The following CAPN5 variants were observed in gnomAD, a reference collection of about 807,000 sequenced individuals.
The protein encoded by CAPN5 is calpain-5.
Under a neutral mutation model 73.0 loss-of-function variants are expected in CAPN5, and 54 were observed. The ratio of observed to expected loss-of-function variants is 0.74; its 90% CI spans 0.59 to 0.93. The LOEUF (loss-of-function observed/expected upper bound fraction) is 0.93. CAPN5 is among the 40% of genes least tolerant of loss of function. The pLI, the probability that CAPN5 is intolerant of heterozygous loss-of-function variation, is 0.00. For synonymous variants in CAPN5, 335 were observed against 356.9 expected (o/e 0.94, Z 0.69); for missense variants, 785 against 882.9 (o/e 0.89, Z 1.41).
intron 1 of CAPN5, among the ~76,000 whole-genome samples, chr11:77,082,367 A>G (rs1411079732): frequency 6.6e-6 from 1 of 152,190 alleles, no homozygotes; most frequent in Non-Finnish European, 1.5e-5. Flanking sequence ...AGGAAGTGCT[A>G]CGGGCCTAAG....
chr11:77,093,368 A>C (rs1219183508), intron 2 of CAPN5, among the ~76,000 whole-genome samples: 2 of 152,206 alleles, frequency 1.3e-5, no homozygotes, highest in African/African-American at 4.8e-5. Context: ...AGCGGGTAGG[A>C]GGAAGGCAGT....
chr11:77,084,132 C>G (rs1950056929), intron 1 of CAPN5, among the ~76,000 whole-genome samples: 1 of 152,208 alleles, frequency 6.6e-6, no homozygotes, highest in Admixed American at 6.5e-5. Flanking sequence ...TGTTCCTTGC[C>G]CTGCCCTGCC....
At chr11:77,106,965 A>G (rs1950355916) in intron 3 of CAPN5, among the ~76,000 whole-genome samples, 1 of 152,174 alleles carries the variant, frequency 6.6e-6, no homozygotes, top group Non-Finnish European at 1.5e-5. Flanking sequence ...TAGCCTTCAC[A>G]TGATTGCTGG....
intron 3 of CAPN5, among the ~76,000 whole-genome samples, chr11:77,102,411 G>A (rs1366680076): frequency 1.3e-5 from 2 of 152,200 alleles, no homozygotes; most frequent in Non-Finnish European, 2.9e-5. Context: ...GCTCCTGCGG[G>A]TCTTGCATCT....
At position 77,084,830 on chromosome 11, in the gene CAPN5, G is replaced by A. The variant is rs530019712; in HGVS notation, c.-35-22G>A. 7 of 1,608,480 alleles carry A rather than the reference G, an allele frequency of 4.4e-6. No homozygotes were observed. The Admixed American group carries it at 5.0e-5, about 12-fold the overall frequency. ...GGACCCAGGGACTCTGTGAGTGACC[G>A]TCTTCTTGCCTTCCTGTCCAGGTGT... On this transcript the variant is annotated intron_variant, in intron 1 of 12. Coordinates refer to ENST00000648180, the MANE Select transcript of CAPN5 (RefSeq NM_004055.5).
chr11:77,096,359 A>T (rs57331406), intron 3 of CAPN5, among the ~76,000 whole-genome samples: 1 of 152,156 alleles, frequency 6.6e-6, no homozygotes, highest in Admixed American at 6.5e-5. Flanking sequence ...TTTCGTCCTC[A>T]GTGTAAATTG....
At chr11:77,119,746 A>T (rs139844264) in intron 9 of CAPN5, 1 of 155,584 alleles carries the variant, frequency 6.4e-6, no homozygotes, top group African/African-American at 2.4e-5. Context: ...GGCTGGGTAC[A>T]TGCTGAGTCC....
At chr11:77,082,063 G>T (rs1950033638) in intron 1 of CAPN5, among the ~76,000 whole-genome samples, 2 of 152,144 alleles carry the variant, frequency 1.3e-5, no homozygotes, top group Non-Finnish European at 2.9e-5. Context: ...CACAGGGTAG[G>T]CTGGGGAGGC....
chr11:77,077,260 G>T (rs932833657), intron 1 of CAPN5, among the ~76,000 whole-genome samples: 1 of 152,128 alleles, frequency 6.6e-6, no homozygotes, highest in Admixed American at 6.5e-5. Context: ...GGGATGCTGA[G>T]GCAGGAGAAT....
intron 1 of CAPN5, among the ~76,000 whole-genome samples, chr11:77,079,432 A>G (rs1198873906): frequency 6.6e-6 from 1 of 152,180 alleles, no homozygotes; most frequent in East Asian, 1.9e-4. Context: ...ATATGCTTGT[A>G]AGATCCATCC....
At chr11:77,103,699 T>C (rs1404016033) in intron 3 of CAPN5, among the ~76,000 whole-genome samples, 1 of 151,910 alleles carries the variant, frequency 6.6e-6, no homozygotes, top group Non-Finnish European at 1.5e-5. Flanking sequence ...GAGACAGAGA[T>C]TGAAAAACCC....
At chr11:77,067,132 G>GTGTA (rs1328723702) in intron 1 of CAPN5, 38 bp downstream of exon 1, 2 of 152,230 alleles carry the variant, frequency 1.3e-5, no homozygotes, top group Non-Finnish European at 2.9e-5. Flanking sequence ...GCTTCTGTGT[G>GTGTA]TGTGTGTGTG....
In CAPN5 at chr11:77,112,574, C is replaced by G. The variant is rs372129605; in HGVS notation, c.298-15C>G. 71 of 1,609,304 alleles carry G rather than the reference C, an allele frequency of 4.4e-5. No homozygotes were observed. In the African/African-American group the frequency reaches 8.6e-4, roughly 19 times the overall value. On this transcript the variant is annotated splice_polypyrimidine_tract_variant and intron_variant, in intron 3 of 12. Transcript: ENST00000648180. ...CACTGTGTTCCCCCATCCTATCCCC[C>G]CTCCCCCTACCCAGGTCATCCCAGA...
In CAPN5 at chr11:77,085,057, T is replaced by C; in HGVS notation, c.165+6T>C. On this transcript the variant is annotated splice_donor_region_variant and intron_variant, in intron 2 of 12. Coordinates refer to ENST00000648180, the MANE Select transcript of CAPN5 (RefSeq NM_004055.5). ...TCAGGTGGAAGCGACCCAAGGTCAGTGTCTGGTCCCAGCTGGAGCTGGGTG... is the reference window on the plus strand; with the variant it reads ...TCAGGTGGAAGCGACCCAAGGTCAGCGTCTGGTCCCAGCTGGAGCTGGGTG... The C allele has an allele frequency of 6.2e-7, 1 of 1,612,458 alleles. No individual in the cohort carries two copies. Among genetic ancestry groups the C allele is most frequent in the Non-Finnish European group, 8.5e-7 (1 of 1,179,856 alleles).
In CAPN5 at chr11:77,124,047, G is replaced by A. The variant is rs541122070; in HGVS notation, c.*177G>A. On this transcript the variant is annotated 3_prime_UTR_variant, in exon 13 of 13. Coordinates refer to ENST00000648180, the MANE Select transcript of CAPN5 (RefSeq NM_004055.5). ...TCAGCCTCAGTGTCCCGAGGGCCCC[G>A]AAGCATTCCATTCTCGTGGAGGAGT... 319 of 618,996 alleles carry A rather than the reference G, an allele frequency of 5.2e-4. No individual in the cohort carries two copies. Among genetic ancestry groups the A allele is most frequent in the African/African-American group, 4.9e-3 (264 of 54,316 alleles). 38.3% of individuals were successfully genotyped at this position (618,996 alleles called of 1,614,324 possible).
At chr11:77,087,576 A>C (rs1950101642) in intron 2 of CAPN5, among the ~76,000 whole-genome samples, 1 of 152,174 alleles carries the variant, frequency 6.6e-6, no homozygotes, top group African/African-American at 2.4e-5. Flanking sequence ...ACTTGGCTGC[A>C]GCCTTGGCCC....
At chr11:77,070,145 G>A (rs1181459897) in intron 1 of CAPN5, among the ~76,000 whole-genome samples, 7 of 152,192 alleles carry the variant, frequency 4.6e-5, no homozygotes, top group African/African-American at 1.7e-4. Context: ...TGCTTCCAGG[G>A]ACCCAAGTTT....
At chr11:77,104,741 T>C (rs1056531408) in intron 3 of CAPN5, among the ~76,000 whole-genome samples, 22 of 152,216 alleles carry the variant, frequency 1.4e-4, no homozygotes, top group Non-Finnish European at 2.6e-4. Context: ...CAGTCAGGGA[T>C]GTGTCCAAGA....
At chr11:77,119,529 C>T (rs1591148939) in intron 9 of CAPN5, 2 of 230,892 alleles carry the variant, frequency 8.7e-6, no homozygotes, top group African/African-American at 4.4e-5. Context: ...AGCCCCTTAG[C>T]CTTCCTGCAT....
Sources: gnomAD v4.1 joint callset for allele counts (sites outside exome capture counted in the v4.1 genomes callset) on GRCh38, gnomAD v4.1.1 for gene constraint, MANE v1.5 for transcripts, NCBI Gene and HGNC (gene_info 2026-07-23, HGNC 2026-07-21) for gene names.